Variants in KDM4A observed in about 807,000 individuals in gnomAD.
The protein encoded by KDM4A is lysine-specific demethylase 4A.
Under a neutral mutation model 127.1 loss-of-function variants are expected in KDM4A, and 23 were observed. That is an observed-to-expected ratio of 0.18 (90% CI 0.13 to 0.26). The LOEUF (loss-of-function observed/expected upper bound fraction) is 0.26, where lower values mean the gene tolerates loss of function less well. Ranked by LOEUF, KDM4A falls within the 10% of genes least tolerant of loss-of-function variation. KDM4A has a pLI of 1.00. For synonymous variants in KDM4A, 443 were observed against 466.5 expected (o/e 0.95, Z 0.65); for missense variants, 890 against 1,329.1 (o/e 0.67, Z 5.14).
intron 13 of KDM4A, 142 bp from the exon 14 acceptor site, chr1:43,690,703 C>T: frequency 1.3e-6 from 1 of 795,316 alleles, no homozygotes; most frequent in Non-Finnish European, 2.2e-6. Context: ...CAATTAGCAG[C>T]TCCGGGATAA....
At position 43,693,638 on chromosome 1, in the gene KDM4A, G is replaced by A. The variant is rs1661173508; in HGVS notation, c.2376-356G>A. ...GGGGACGTTTTCAGGAAGCACTTGG[G>A]TCCTATGGTAAAGAGGTCTGCATAG... is the stretch of plus-strand genomic sequence containing the variant. On this transcript the variant is annotated intron_variant, in intron 16 of 21. Transcript: ENST00000372396. The surrounding 1 kb of genome is among the most constrained non-coding windows in gnomAD (Gnocchi z 4.2). Among the ~76,000 whole-genome samples the A allele has an allele frequency of 6.7e-6, 1 of 148,890 alleles. No homozygotes were observed. Among genetic ancestry groups the A allele is most frequent in the Non-Finnish European group, 1.5e-5 (1 of 68,034 alleles).
At chr1:43,683,895 A>C in intron 12 of KDM4A, 91 bp downstream of exon 12, 2 of 1,458,972 alleles carry the variant, frequency 1.4e-6, no homozygotes. Context: ...CTGAGGGATA[A>C]GGGTGGGCCT....
At chr1:43,681,103 C>T (rs115661120) in intron 11 of KDM4A, among the ~76,000 whole-genome samples, 220 of 152,274 alleles carry the variant, frequency 1.4e-3, no homozygotes, top group African/African-American at 5.2e-3. Context: ...GACGTATTCA[C>T]TCCTTAGTTT....
rs1456712837 is a variant in KDM4A at position 43,667,801 on chromosome 1, C to T, written c.945C>T (p.Ile315=). The T allele has an allele frequency of 6.2e-7, 1 of 1,614,180 alleles. No individual in the cohort carries two copies. The change falls in exon 9 of 22, where the codon ATC becomes ATT. Residue 315 remains isoleucine, a synonymous_variant. Coordinates refer to ENST00000372396, the MANE Select transcript of KDM4A (RefSeq NM_014663.3). ...CCTGTAGAAAGGACATGGTGAAGAT[C>T]TCCATGGATGTGTTTGTGAGAAAGT... is the stretch of plus-strand genomic sequence containing the variant. ...LCSCRKDMVK[I]SMDVFVRKFQ...
At chr1:43,699,246 C>G (rs1416478492) in intron 19 of KDM4A, among the ~76,000 whole-genome samples, 2 of 152,128 alleles carry the variant, frequency 1.3e-5, no homozygotes, top group Non-Finnish European at 2.9e-5. Flanking sequence ...CAGGCACATG[C>G]AGTCACACCT....
At chr1:43,657,382 T>C (rs531171704) in intron 3 of KDM4A, among the ~76,000 whole-genome samples, 1 of 152,144 alleles carries the variant, frequency 6.6e-6, no homozygotes, top group East Asian at 1.9e-4. Flanking sequence ...TTTGTATTTT[T>C]AGCAGAGGCA....
In KDM4A at chr1:43,676,305, G is replaced by A. The variant is rs572833567; in HGVS notation, c.1734+4430G>A. Among the ~76,000 whole-genome samples, 15 of 152,104 alleles carry A rather than the reference G, an allele frequency of 9.9e-5. No homozygotes were observed. The South Asian group carries it at 2.5e-3, about 25-fold the overall frequency. Reference sequence around the variant, plus strand: ...ACAGTATCTTAGAAAGATGCAGAGCGAATAATACAGTGAACCCACAAATAA... The same window carrying A: ...ACAGTATCTTAGAAAGATGCAGAGCAAATAATACAGTGAACCCACAAATAA... On this transcript the variant is annotated intron_variant, in intron 11 of 21. Coordinates refer to ENST00000372396, the MANE Select transcript of KDM4A (RefSeq NM_014663.3).
intron 11 of KDM4A, 48 bp downstream of exon 11, chr1:43,671,923 C>T: frequency 6.7e-7 from 1 of 1,502,128 alleles, no homozygotes; most frequent in Non-Finnish European, 8.9e-7. Context: ...CCCTGGAGGA[C>T]ACCCTGTCGG....
Position 43,704,082 on chromosome 1 carries a change from A to G in KDM4A, c.3024A>G (p.Glu1008=), listed in dbSNP as rs1440164679. ...GAGATGATGTATACACACTGGATGA[A>G]GAGCTTCCCAAGAGAGTCAAATCTA... is the stretch of plus-strand genomic sequence containing the variant. ...VKRDDVYTLD[E]ELPKRVKSRL... Residue 1008 remains glutamate, a synonymous_variant, in exon 21 of 22, where the codon GAA becomes GAG. Coordinates refer to ENST00000372396, the MANE Select transcript of KDM4A (RefSeq NM_014663.3). 1 of 1,613,990 alleles carries G rather than the reference A, an allele frequency of 6.2e-7. No individual in the cohort carries two copies. The highest frequency in any genetic ancestry group is 8.5e-7 in the Non-Finnish European group (1 of 1,179,990).
At chr1:43,673,803 C>T (rs1660680717) in intron 11 of KDM4A, among the ~76,000 whole-genome samples, 1 of 152,226 alleles carries the variant, frequency 6.6e-6, no homozygotes, top group Non-Finnish European at 1.5e-5. Context: ...CGGGCCATTT[C>T]ATCCATCCTA....
intron 11 of KDM4A, among the ~76,000 whole-genome samples, chr1:43,674,404 A>G (rs10789442): frequency 6.6e-6 from 1 of 151,974 alleles, no homozygotes; most frequent in East Asian, 1.9e-4. Context: ...ATTCGGAACT[A>G]TTTAATTGAT....
chr1:43,684,358 C>T (rs943272605), intron 12 of KDM4A, among the ~76,000 whole-genome samples: 5 of 152,154 alleles, frequency 3.3e-5, no homozygotes, highest in African/African-American at 1.2e-4. Context: ...AAAAAAGTAG[C>T]CGGGTGTCAT....
At chr1:43,678,828 C>T (rs1461365775) in intron 11 of KDM4A, among the ~76,000 whole-genome samples, 5 of 152,110 alleles carry the variant, frequency 3.3e-5, no homozygotes, top group Admixed American at 6.5e-5. Context: ...CTCAAGTGAT[C>T]CTCCTGTCTT....
At chr1:43,700,360 CA>C (rs1486604402) in intron 19 of KDM4A, among the ~76,000 whole-genome samples, 2 of 151,900 alleles carry the variant, frequency 1.3e-5, no homozygotes, top group Non-Finnish European at 2.9e-5. Context: ...AAACTGGGCT[CA>C]AGCAATCCGC....
Position 43,704,644 on chromosome 1 carries a change from G to C in KDM4A, c.*274G>C. 1 of 448,256 alleles carries C rather than the reference G, an allele frequency of 2.2e-6. No homozygotes were observed. The highest frequency in any genetic ancestry group is 4.0e-6 in the Non-Finnish European group (1 of 249,320). The allele number at this position is 448,256 out of a possible 1,614,324, so 27.8% of individuals were successfully genotyped here. ...GGCTGCACTGGCCCCAGTCCATAGA[G>C]GGGTCAACTATGCTGGCTGGACTGG... is the stretch of plus-strand genomic sequence containing the variant. On this transcript the variant is annotated 3_prime_UTR_variant, in exon 22 of 22. Coordinates refer to ENST00000372396, the MANE Select transcript of KDM4A (RefSeq NM_014663.3).
chr1:43,690,759 A>C (rs973215541), intron 13 of KDM4A, 86 bp from the exon 14 acceptor site: 17 of 1,257,620 alleles, frequency 1.4e-5, no homozygotes, highest in Admixed American at 1.0e-4. Flanking sequence ...TCGGTAAGAG[A>C]GCCAGCTTTC....
chr1:43,690,836 T>C lies in KDM4A; in HGVS notation c.2038-9T>C. The C allele has an allele frequency of 6.2e-7, 1 of 1,614,068 alleles. No individual in the cohort carries two copies. Among genetic ancestry groups the C allele is most frequent in the Non-Finnish European group, 8.5e-7 (1 of 1,179,906 alleles). On this transcript the variant is annotated splice_polypyrimidine_tract_variant and intron_variant, in intron 13 of 21. Coordinates refer to ENST00000372396, the MANE Select transcript of KDM4A (RefSeq NM_014663.3). ...CTCACTGAGGTGTACACTTGTTCTT[T>C]CCCCTTAGGTTGAATTTGGAGGCTT...
At chr1:43,650,897 A>AC (rs1338678424) in intron 1 of KDM4A, among the ~76,000 whole-genome samples, 2 of 152,196 alleles carry the variant, frequency 1.3e-5, no homozygotes, top group Non-Finnish European at 1.5e-5. Context: ...AGGCTTTGTT[A>AC]CTGATTGGGA....
chr1:43,689,391 C>T (rs576677878), intron 13 of KDM4A, among the ~76,000 whole-genome samples: 84 of 152,330 alleles, frequency 5.5e-4, no homozygotes, highest in African/African-American at 1.9e-3. Flanking sequence ...TATTCTAGTC[C>T]GTGGTTATTC....
Sources: gnomAD v4.1 joint callset for allele counts (sites outside exome capture counted in the v4.1 genomes callset) on GRCh38, gnomAD v4.1.1 for gene constraint, Gnocchi (gnomAD v3.1) non-coding constraint, MANE v1.5 for transcripts, NCBI Gene and HGNC (gene_info 2026-07-23, HGNC 2026-07-21) for gene names.